The following MYO16 variants were observed in gnomAD, a reference collection of about 807,000 sequenced individuals.
MYO16 encodes unconventional myosin-XVI.
MYO16 carries 94 observed loss-of-function variants against 205.3 expected under a neutral mutation model. The observed-to-expected ratio is 0.46, with a 90% CI of 0.39 to 0.54. MYO16 has a LOEUF of 0.54. Ranked by LOEUF, MYO16 falls within the 20% of genes least tolerant of loss-of-function variation. The probability of loss-of-function intolerance (pLI) is 0.00; values close to 1 mark genes in which losing one functional copy is unlikely to be tolerated. For missense variants in MYO16, 2,315 were observed against 2,387.5 expected, an observed-to-expected ratio of 0.97 and a Z score of 0.63; for synonymous variants, 988 against 954.0, an observed-to-expected ratio of 1.04 and a Z score of -0.66.
intron 15 of MYO16, among the ~76,000 whole-genome samples, chr13:108,899,022 A>G (rs1880579841): frequency 6.6e-6 from 1 of 152,206 alleles, no homozygotes; most frequent in Non-Finnish European, 1.5e-5. Flanking sequence ...CCTTCAGGAA[A>G]AAAAAAGTTA....
chr13:108,499,628 T>C, the MYO16 span, among the ~76,000 whole-genome samples: 11 of 152,176 alleles, frequency 7.2e-5, no homozygotes, highest in African/African-American at 9.7e-5. Flanking sequence ...GACATGACAA[T>C]AAACCAGGCC....
intron 20 of MYO16, among the ~76,000 whole-genome samples, chr13:108,967,131 C>A (rs1344163339): frequency 2.7e-5 from 4 of 149,922 alleles, no homozygotes; most frequent in South Asian, 2.1e-4. Context: ...ATATAGTATA[C>A]AGACATGTAT....
the MYO16 span, among the ~76,000 whole-genome samples, chr13:108,558,395 G>T: frequency 1.8e-3 from 281 of 152,288 alleles, 2 homozygotes; most frequent in African/African-American, 6.5e-3. Context: ...GCTTCCTTAG[G>T]TCTGCTTTGA....
At position 109,055,014 on chromosome 13, in the gene MYO16, T is replaced by C. The variant is rs185301638; in HGVS notation, c.3049-32T>C. 6.1e-4 allele frequency: 847 copies of C among 1,388,710 alleles called. 9 individuals carry two copies. In the Admixed American group the frequency reaches 0.017, roughly 28 times the overall value. 86.0% of individuals were successfully genotyped at this position (1,388,710 alleles called of 1,614,324 possible). ...CTTTCCTTTCCTTTCCTTTCTTTTC[T>C]CCTGTCCTTCTTGTCTTTCTTTTTA... On this transcript the variant is annotated intron_variant, in intron 25 of 34. Coordinates refer to ENST00000457511, the MANE Select transcript of MYO16 (RefSeq NM_001198950.3). The surrounding 1 kb of genome is among the most constrained non-coding windows in gnomAD (Gnocchi z 5.0).
At chr13:109,016,771 A>G (rs1885836946) in intron 22 of MYO16, among the ~76,000 whole-genome samples, 1 of 151,330 alleles carries the variant, frequency 6.6e-6, no homozygotes, top group Non-Finnish European at 1.5e-5. Context: ...ATGAGACACA[A>G]GTATTGCAAA....
intron 4 of MYO16, among the ~76,000 whole-genome samples, chr13:108,782,394 G>A (rs983002933): frequency 3.9e-5 from 6 of 152,200 alleles, no homozygotes; most frequent in Non-Finnish European, 7.3e-5. Flanking sequence ...AAATGTCTAA[G>A]CTTCAAAGCA....
the MYO16 span, among the ~76,000 whole-genome samples, chr13:108,567,250 G>A: frequency 6.6e-6 from 1 of 152,114 alleles, no homozygotes; most frequent in Non-Finnish European, 1.5e-5. Flanking sequence ...GAGCAGTTAA[G>A]GGAAGTGTCA....
chr13:109,075,885 G>C (rs184215583), intron 27 of MYO16, among the ~76,000 whole-genome samples: 291 of 152,292 alleles, frequency 1.9e-3, no homozygotes, highest in Admixed American at 8.1e-3. Flanking sequence ...TGCAGAATTG[G>C]TATTAATTTT....
the MYO16 span, among the ~76,000 whole-genome samples, chr13:108,565,900 A>G: frequency 6.6e-6 from 1 of 151,480 alleles, no homozygotes; most frequent in African/African-American, 2.4e-5. Context: ...GGGACGTGGA[A>G]CTTTATCAAA....
chr13:108,958,885 A>C (rs1335608258), intron 17 of MYO16, among the ~76,000 whole-genome samples: 2 of 152,212 alleles, frequency 1.3e-5, no homozygotes, highest in Non-Finnish European at 2.9e-5. Flanking sequence ...ATATAATATC[A>C]CAGGGATAAC....
chr13:109,006,553 T>C (rs1042480885), intron 21 of MYO16, among the ~76,000 whole-genome samples: 2 of 152,202 alleles, frequency 1.3e-5, no homozygotes, highest in African/African-American at 4.8e-5. Flanking sequence ...ATTTTGTTAT[T>C]TTTTAACAAA....
rs199632234 is a variant in MYO16, at chr13:108,653,795, A to ATG, written c.29-12085_29-12084dup. Among the ~76,000 whole-genome samples, 201 of 150,656 alleles carry ATG rather than the reference A, an allele frequency of 1.3e-3. 3 individuals carry two copies. The East Asian group carries it at 0.035, about 26-fold the overall frequency. On this transcript the variant is annotated intron_variant, in intron 1 of 34. Coordinates refer to ENST00000457511, the MANE Select transcript of MYO16 (RefSeq NM_001198950.3). The stretch of plus-strand genomic sequence containing the variant: ...CATGCATATATATACATATATATAT[A>ATG]TGTGTGTATATATATATATATTCTT...
the MYO16 span, among the ~76,000 whole-genome samples, chr13:108,525,730 T>A: frequency 3.9e-5 from 6 of 152,294 alleles, no homozygotes; most frequent in East Asian, 5.8e-4. Flanking sequence ...GCCAGGTAGG[T>A]GTATGAGCTT....
intron 12 of MYO16, among the ~76,000 whole-genome samples, chr13:108,872,658 ATATG>A (rs1268091313): frequency 1.3e-5 from 2 of 151,358 alleles, no homozygotes; most frequent in African/African-American, 2.4e-5. Context: ...GTTTCAATAT[ATATG>A]AATTAAGTAT....
intron 27 of MYO16, among the ~76,000 whole-genome samples, chr13:109,070,706 T>G (rs1456890411): frequency 6.6e-6 from 1 of 152,232 alleles, no homozygotes; most frequent in African/African-American, 2.4e-5. Context: ...AGGAATAGAT[T>G]AGTACTTCTG....
At chr13:108,697,060 CT>C (rs982149922) in intron 2 of MYO16, among the ~76,000 whole-genome samples, 1 of 151,422 alleles carries the variant, frequency 6.6e-6, no homozygotes, top group Non-Finnish European at 1.5e-5. Context: ...GCAGGGCAAA[CT>C]TTGCTCCTGT....
At chr13:108,523,134 T>C in the MYO16 span, among the ~76,000 whole-genome samples, 1 of 152,092 alleles carries the variant, frequency 6.6e-6, no homozygotes, top group Non-Finnish European at 1.5e-5. Context: ...CCAGTGACAG[T>C]GAAACAGACG....
At chr13:109,066,780 C>T (rs935605217) in intron 27 of MYO16, among the ~76,000 whole-genome samples, 3 of 152,084 alleles carry the variant, frequency 2.0e-5, no homozygotes, top group African/African-American at 4.8e-5. Context: ...TCCAGTAAAC[C>T]GACAAAAACA....
At chr13:109,114,096 A>T (rs1344823332) in intron 28 of MYO16, among the ~76,000 whole-genome samples, 1 of 152,202 alleles carries the variant, frequency 6.6e-6, no homozygotes, top group Non-Finnish European at 1.5e-5. Context: ...GCAGCAACAT[A>T]GCAGCTTTGG....
Sources: allele counts gnomAD v4.1 joint callset (sites outside exome capture counted in the v4.1 genomes callset), GRCh38; gene constraint gnomAD v4.1.1; non-coding constraint Gnocchi (gnomAD v3.1); transcripts MANE v1.5; gene names NCBI Gene and HGNC (gene_info 2026-07-23, HGNC 2026-07-21).